Variants in CBFA2T2 observed in about 807,000 individuals in gnomAD.
The protein encoded by CBFA2T2 is protein CBFA2T2.
In CBFA2T2, 11 loss-of-function variants were observed where a neutral mutation model predicts 62.2. The ratio of observed to expected loss-of-function variants is 0.18; its 90% CI spans 0.11 to 0.29. The LOEUF is 0.29. Ranked by LOEUF, CBFA2T2 falls within the 10% of genes least tolerant of loss-of-function variation. CBFA2T2 has a pLI of 1.00. For missense variants in CBFA2T2, 592 were observed against 774.1 expected (o/e 0.76, Z 2.79); for synonymous variants, 295 against 287.5 (o/e 1.03, Z -0.27).
chr20:33,549,926 G>A (rs2012690858), intron 1 of CBFA2T2, among the ~76,000 whole-genome samples: 1 of 146,582 alleles, frequency 6.8e-6, no homozygotes, highest in Non-Finnish European at 1.5e-5. Flanking sequence ...GAGGGAGATA[G>A]AACACTGGCA....
chr20:33,579,571 T>TG (rs1040392159), intron 1 of CBFA2T2, among the ~76,000 whole-genome samples: 5 of 151,170 alleles, frequency 3.3e-5, no homozygotes, highest in Admixed American at 6.6e-5. Context: ...TTTTTTTTTT[T>TG]GTATGGAGTG....
chr20:33,495,039 T>TGTA (rs374861593), intron 1 of CBFA2T2, among the ~76,000 whole-genome samples: 4 of 152,180 alleles, frequency 2.6e-5, no homozygotes, highest in South Asian at 4.1e-4. Flanking sequence ...TCATTGATCT[T>TGTA]GTAGTAGTAC....
intron 1 of CBFA2T2, among the ~76,000 whole-genome samples, chr20:33,492,345 TG>T (rs942303499): frequency 1.3e-4 from 19 of 151,550 alleles, no homozygotes; most frequent in African/African-American, 4.3e-4. Flanking sequence ...TTGAAAAAAT[TG>T]GGGGGCTCTT....
At chr20:33,495,366 A>G (rs147724501) in intron 1 of CBFA2T2, among the ~76,000 whole-genome samples, 2 of 148,612 alleles carry the variant, frequency 1.3e-5, no homozygotes, top group African/African-American at 5.0e-5. Flanking sequence ...AGCCTGGGCA[A>G]CAAGAGGGAA....
chr20:33,557,832 C>CTT (rs60733174), intron 1 of CBFA2T2, among the ~76,000 whole-genome samples: 5 of 145,440 alleles, frequency 3.4e-5, no homozygotes, highest in South Asian at 2.2e-4. Context: ...ATTTCTCTCT[C>CTT]TTTTTTTTTT....
chr20:33,582,020 A>G (rs974924276), intron 1 of CBFA2T2, among the ~76,000 whole-genome samples: 2 of 152,160 alleles, frequency 1.3e-5, no homozygotes, highest in South Asian at 4.1e-4. Context: ...GATTGTACTT[A>G]TAAGATTCAG....
intron 1 of CBFA2T2, among the ~76,000 whole-genome samples, chr20:33,496,429 A>G (rs1008556720): frequency 6.6e-6 from 1 of 152,244 alleles, no homozygotes; most frequent in East Asian, 1.9e-4. Context: ...ATCTAAGAAT[A>G]TAAGCTTCTA....
intron 1 of CBFA2T2, among the ~76,000 whole-genome samples, chr20:33,563,145 A>T (rs890886691): frequency 3.9e-5 from 6 of 152,228 alleles, no homozygotes; most frequent in African/African-American, 1.4e-4. Flanking sequence ...CAAAACTAAC[A>T]GCATCTCTTC....
intron 1 of CBFA2T2, among the ~76,000 whole-genome samples, chr20:33,530,048 A>G (rs1873096908): frequency 1.3e-5 from 2 of 151,796 alleles, no homozygotes; most frequent in African/African-American, 2.4e-5. Context: ...CGGCCTTCCA[A>G]AGTGCTGGGA....
rs188292414 is a variant in CBFA2T2 at position 33,534,435 on chromosome 20, C to T, written c.34+44134C>T. Among the ~76,000 whole-genome samples, 3 of 152,210 alleles carry T rather than the reference C, an allele frequency of 2.0e-5. No individual in the cohort carries two copies. The East Asian group carries it at 5.8e-4, about 29-fold the overall frequency. On this transcript the variant is annotated intron_variant, in intron 1 of 10. Coordinates refer to ENST00000342704, the MANE Select transcript of CBFA2T2 (RefSeq NM_001032999.3). ...CCTGGGTTCAAGTGATCCTGAACTT[C>T]CTGAGTAGCTGGGACTACAGGCACG... is the stretch of plus-strand genomic sequence containing the variant.
intron 1 of CBFA2T2, among the ~76,000 whole-genome samples, chr20:33,548,764 T>G (rs1412544679): frequency 2.6e-5 from 4 of 152,128 alleles, no homozygotes; most frequent in Non-Finnish European, 5.9e-5. Context: ...AAGACCAGTG[T>G]GGGCAACATA....
At chr20:33,639,622 CT>C (rs2016757523) in intron 9 of CBFA2T2, 1 of 151,546 alleles carries the variant, frequency 6.6e-6, no homozygotes, top group South Asian at 2.1e-4. Context: ...TGCCTCACCC[CT>C]ATAACACTTT....
intron 1 of CBFA2T2, among the ~76,000 whole-genome samples, chr20:33,527,296 G>C (rs563217897): frequency 2.0e-5 from 3 of 151,866 alleles, no homozygotes; most frequent in African/African-American, 7.2e-5. Context: ...CTGCCTCCCA[G>C]GTTCAAGTGA....
At chr20:33,553,606 C>T (rs935223326) in intron 1 of CBFA2T2, among the ~76,000 whole-genome samples, 1 of 152,176 alleles carries the variant, frequency 6.6e-6, no homozygotes, top group Non-Finnish European at 1.5e-5. Context: ...CTGTCCCAAC[C>T]CTGCTAATGC....
At chr20:33,502,595 G>A (rs952992104) in intron 1 of CBFA2T2, among the ~76,000 whole-genome samples, 3 of 151,146 alleles carry the variant, frequency 2.0e-5, no homozygotes, top group African/African-American at 7.3e-5. Flanking sequence ...AGTAGAGACG[G>A]GGTTTCACCG....
chr20:33,491,215 C>T (rs1350906900), intron 1 of CBFA2T2, among the ~76,000 whole-genome samples: 1 of 152,112 alleles, frequency 6.6e-6, no homozygotes, highest in East Asian at 1.9e-4. Flanking sequence ...AGACATTTTG[C>T]ATTCTATTCA....
intron 8 of CBFA2T2, among the ~76,000 whole-genome samples, chr20:33,630,551 C>T (rs1042029871): frequency 4.6e-5 from 7 of 152,176 alleles, no homozygotes; most frequent in African/African-American, 1.2e-4. Context: ...TACCATACCA[C>T]GCTGGGTTGT....
intron 1 of CBFA2T2, among the ~76,000 whole-genome samples, chr20:33,560,753 A>G (rs1470852212): frequency 6.6e-6 from 1 of 152,116 alleles, no homozygotes; most frequent in Non-Finnish European, 1.5e-5. Flanking sequence ...ATATATATAT[A>G]TATGCAGGGG....
intron 4 of CBFA2T2, among the ~76,000 whole-genome samples, chr20:33,620,160 T>C (rs2015889403): frequency 6.6e-6 from 1 of 152,150 alleles, no homozygotes; most frequent in African/African-American, 2.4e-5. Context: ...GCTTACATGA[T>C]AAATGAAATG....
Sources: gnomAD v4.1 joint callset for allele counts (sites outside exome capture counted in the v4.1 genomes callset) on GRCh38, gnomAD v4.1.1 for gene constraint, MANE v1.5 for transcripts, NCBI Gene and HGNC (gene_info 2026-07-23, HGNC 2026-07-21) for gene names.